NAA60: variants seen among roughly 807,000 people sequenced by gnomAD.
NAA60 encodes the protein N-alpha-acetyltransferase 60.
NAA60 carries 8 observed loss-of-function variants against 26.1 expected under a neutral mutation model. The ratio of observed to expected loss-of-function variants is 0.31; its 90% CI spans 0.18 to 0.55. The LOEUF is 0.55. NAA60 is among the 20% of genes least tolerant of loss of function. The pLI, the probability that NAA60 is intolerant of heterozygous loss-of-function variation, is 0.93. For synonymous variants in NAA60, 131 were observed against 122.5 expected (o/e 1.07, Z -0.46); for missense variants, 290 against 311.3 (o/e 0.93, Z 0.51).
intron 2 of NAA60, among the ~76,000 whole-genome samples, chr16:3,454,730 C>T (rs925672150): frequency 6.6e-6 from 1 of 152,140 alleles, no homozygotes; most frequent in African/African-American, 2.4e-5. Context: ...TCCCTGTGAC[C>T]GGCAGATGTC....
At chr16:3,482,478 C>G in intron 4 of NAA60, 24 bp from the exon 5 acceptor site, 1 of 1,567,124 alleles carries the variant, frequency 6.4e-7, no homozygotes, top group Non-Finnish European at 8.7e-7. Flanking sequence ...GTGAGCCTGA[C>G]TTTCTCTCTG....
At position 3,481,409 on chromosome 16, in the gene NAA60, G is replaced by A. The variant is rs566290576; in HGVS notation, c.241-1093G>A. Among the ~76,000 whole-genome samples the A allele has an allele frequency of 4.6e-5, 7 of 152,222 alleles. No individual in the cohort carries two copies. In the East Asian group the frequency reaches 1.2e-3, roughly 25 times the overall value. ...CTGATCTCTCTTGTTAATGGGACAC[G>A]TGGTCCCCCCCTTCCCCCAATGACT... On this transcript the variant is annotated intron_variant, in intron 4 of 7. Coordinates refer to ENST00000407558, the MANE Select transcript of NAA60 (RefSeq NM_001083601.3).
intron 2 of NAA60, among the ~76,000 whole-genome samples, chr16:3,465,545 C>T (rs1476724470): frequency 6.6e-6 from 1 of 152,200 alleles, no homozygotes; most frequent in Admixed American, 6.5e-5. Flanking sequence ...TGCTGTCCCC[C>T]AGGCTGCAGA....
Position 3,485,861 on chromosome 16 carries a change from C to T in NAA60, c.*601C>T. The T allele has an allele frequency of 2.8e-6, 1 of 359,996 alleles. No individual in the cohort carries two copies. Among genetic ancestry groups the T allele is most frequent in the Non-Finnish European group, 5.5e-6 (1 of 182,070 alleles). 22.3% of individuals were successfully genotyped at this position (359,996 alleles called of 1,614,324 possible). A position where few individuals can be genotyped will look rare whatever the true frequency, so the allele number is the denominator to read the frequency against. ...GCCTGGGGGAGGCTTTCCTCGCAAG[C>T]ACAGAGCTCTGAGGCTCAGCCCCCT... is the stretch of plus-strand genomic sequence containing the variant. On this transcript the variant is annotated 3_prime_UTR_variant, in exon 8 of 8. Transcript: ENST00000407558.
rs146939704 is a variant in NAA60 at position 3,476,406 on chromosome 16, G to T, written c.110+69G>T. 1,590 of 1,329,682 alleles carry T rather than the reference G, an allele frequency of 1.2e-3. 15 individuals carry two copies. In the African/African-American group the frequency reaches 0.017, roughly 15 times the overall value. The allele number at this position is 1,329,682 out of a possible 1,614,324, so 82.4% of individuals were successfully genotyped here. On this transcript the variant is annotated intron_variant, in intron 3 of 7. Transcript: ENST00000407558. ...CAGGTGCAGAAGCTGGGCGGCGGGGGTGGGGGCCTCTTGGGCCCTTAGGAC... is the reference window on the plus strand; with the variant it reads ...CAGGTGCAGAAGCTGGGCGGCGGGGTTGGGGGCCTCTTGGGCCCTTAGGAC...
chr16:3,468,992 G>A (rs912530692), intron 2 of NAA60, among the ~76,000 whole-genome samples: 3 of 151,814 alleles, frequency 2.0e-5, no homozygotes, highest in Admixed American at 6.6e-5. Flanking sequence ...AGGCTGCGGC[G>A]TGAGAATCGC....
chr16:3,467,361 G>A (rs906394151), intron 2 of NAA60, among the ~76,000 whole-genome samples: 2 of 152,130 alleles, frequency 1.3e-5, no homozygotes, highest in Non-Finnish European at 2.9e-5. Context: ...GGGCAGTGTG[G>A]CCATGGCCAG....
chr16:3,450,558 A>G (rs1423378315), intron 2 of NAA60, among the ~76,000 whole-genome samples: 1 of 151,816 alleles, frequency 6.6e-6, no homozygotes, highest in Non-Finnish European at 1.5e-5. Context: ...AAATTAGCCG[A>G]GCGTGGTGGT....
rs183083317 is a variant in NAA60 at position 3,467,450 on chromosome 16, C to G, written c.-6-8772C>G. Among the ~76,000 whole-genome samples the G allele has an allele frequency of 6.2e-3, 949 of 152,256 alleles. 6 individuals carry two copies. Among genetic ancestry groups the G allele is most frequent in the Middle Eastern group, 0.014 (4 of 294 alleles). ...CAAGCCATTAAGAGGGTGGCCTTTC[C>G]AAGCGCAGCATGACTTGTTGGTCTT... On this transcript the variant is annotated intron_variant, in intron 2 of 7. Coordinates refer to ENST00000407558, the MANE Select transcript of NAA60 (RefSeq NM_001083601.3).
At chr16:3,457,922 GCCCGCTCC>G in intron 2 of NAA60, 7 of 948,374 alleles carry the variant, frequency 7.4e-6, no homozygotes, top group Non-Finnish European at 8.8e-6. Context: ...CTCCCAACCT[GCCCGCTCC>G]CAACATGGCG....
At chr16:3,453,248 A>G (rs2034854433) in intron 2 of NAA60, among the ~76,000 whole-genome samples, 2 of 151,984 alleles carry the variant, frequency 1.3e-5, no homozygotes, top group African/African-American at 4.8e-5. Flanking sequence ...AATACAAAAA[A>G]TTAGCTGGGC....
chr16:3,484,511 T>G, intron 6 of NAA60, 188 bp from the exon 7 acceptor site: 1 of 711,136 alleles, frequency 1.4e-6, no homozygotes, highest in Non-Finnish European at 2.3e-6. Flanking sequence ...CCTCTGTTGT[T>G]TTGCACAGCA....
intron 2 of NAA60, among the ~76,000 whole-genome samples, chr16:3,466,175 G>A (rs2035749334): frequency 6.6e-6 from 1 of 152,232 alleles, no homozygotes; most frequent in African/African-American, 2.4e-5. Flanking sequence ...TGTTTGGCCA[G>A]TTCCAGAGTG....
At chr16:3,447,689 G>A (rs1302871811) in intron 1 of NAA60, 1 of 959,876 alleles carries the variant, frequency 1.0e-6, no homozygotes, top group African/African-American at 1.8e-5. Context: ...ATGCTTGATT[G>A]AGCAGTTAGA....
At chr16:3,453,376 A>G (rs2061834143) in intron 2 of NAA60, among the ~76,000 whole-genome samples, 1 of 152,190 alleles carries the variant, frequency 6.6e-6, no homozygotes, top group African/African-American at 2.4e-5. Flanking sequence ...CCTGGGCAAC[A>G]GAGTGAGACT....
At chr16:3,453,796 G>T (rs2034875970) in intron 2 of NAA60, among the ~76,000 whole-genome samples, 1 of 152,142 alleles carries the variant, frequency 6.6e-6, no homozygotes, top group Non-Finnish European at 1.5e-5. Flanking sequence ...ATTGTAAGTT[G>T]CAATATTGTT....
Position 3,483,352 on chromosome 16 carries a change from T to G in NAA60, c.338-11T>G. The stretch of plus-strand genomic sequence containing the variant: ...GCTCTGCCTGCATTACCTTTACCTC[T>G]TCTCCCCAAGGTTCCCTCTTACTTG... On this transcript the variant is annotated splice_polypyrimidine_tract_variant and intron_variant, in intron 5 of 7. Transcript: ENST00000407558. 6.3e-7 allele frequency: 1 copy of G among 1,589,344 alleles called. No homozygotes were observed. Among genetic ancestry groups the G allele is most frequent in the Non-Finnish European group, 8.6e-7 (1 of 1,166,074 alleles).
intron 4 of NAA60, among the ~76,000 whole-genome samples, chr16:3,480,551 C>T (rs1278848125): frequency 1.3e-5 from 2 of 150,234 alleles, no homozygotes; most frequent in Non-Finnish European, 3.0e-5. Context: ...GAGCCGAGAT[C>T]GTGCCATTGC....
chr16:3,449,486 C>T (rs187485496), intron 2 of NAA60, among the ~76,000 whole-genome samples: 67 of 152,206 alleles, frequency 4.4e-4, no homozygotes, highest in African/African-American at 1.4e-3. Context: ...CCACTGTACT[C>T]CAGACTGGGC....
Sources: allele counts gnomAD v4.1 joint callset (sites outside exome capture counted in the v4.1 genomes callset), GRCh38; gene constraint gnomAD v4.1.1; transcripts MANE v1.5; gene names NCBI Gene and HGNC (gene_info 2026-07-23, HGNC 2026-07-21).